IL33: variants seen among roughly 807,000 people sequenced by gnomAD.
The protein encoded by IL33 is interleukin-33.
A neutral mutation model predicts 27.3 loss-of-function variants in IL33; 37 were observed. The ratio of observed to expected loss-of-function variants is 1.36; its 90% CI spans 1.04 to 1.78. IL33 has a LOEUF of 1.78. Ranked by LOEUF, IL33 falls within the 40% of genes most tolerant of loss-of-function variation. IL33 has a pLI of 0.00. For synonymous variants in IL33, 132 were observed against 102.9 expected (o/e 1.28, Z -1.71); for missense variants, 406 against 311.4 (o/e 1.30, Z -2.29).
chr9:6,248,240 C>CTTTTTTTTTTTTTTTTTT (rs1179234471), intron 2 of IL33, among the ~76,000 whole-genome samples: 10 of 84,870 alleles, frequency 1.2e-4, no homozygotes, highest in Non-Finnish European at 1.8e-4. Context: ...CTTTTCTTTT[C>CTTTTTTTTTTTTTTTTTT]TTTTTTTTTT....
In IL33 at chr9:6,241,811, GT is replaced by G. The variant is rs1819545751; in HGVS notation, c.91+30del. ...GTAAGGACTTAAGTTATCTCTGAAT[GT>G]TTTACGCACTATTTTTATCTGTTAT... On this transcript the variant is annotated intron_variant, in intron 2 of 7. Transcript: ENST00000682010. 7 of 1,468,650 alleles carry G rather than the reference GT, an allele frequency of 4.8e-6. No individual in the cohort carries two copies. The South Asian group carries it at 7.1e-5, about 15-fold the overall frequency. 91.0% of individuals were successfully genotyped at this position (1,468,650 alleles called of 1,614,324 possible).
intron 5 of IL33, among the ~76,000 whole-genome samples, 170 bp from the exon 6 acceptor site, chr9:6,253,382 C>T (rs988612194): frequency 2.6e-5 from 4 of 152,268 alleles, no homozygotes; most frequent in African/African-American, 9.6e-5. Flanking sequence ...TTGGAGAATT[C>T]ATCAGAGCAT....
chr9:6,227,092 T>C (rs1040222459), intron 1 of IL33, among the ~76,000 whole-genome samples: 7 of 152,378 alleles, frequency 4.6e-5, no homozygotes, highest in Non-Finnish European at 5.9e-5. Context: ...CTTAGAGATA[T>C]GTGTTTCCTT....
At chr9:6,237,216 T>C (rs1330677057) in intron 1 of IL33, among the ~76,000 whole-genome samples, 2 of 152,204 alleles carry the variant, frequency 1.3e-5, no homozygotes, top group Admixed American at 1.3e-4. Context: ...GAACAAGTGA[T>C]GTTCCTATTG....
In IL33 at chr9:6,251,280, A is replaced by G; in HGVS notation, c.343+15A>G. Reference sequence around the variant, plus strand: ...AAGTATCACAGGTATGACTGGTTACAGGGGTGATGTGGGAGTGAGGAGGGA... The same window carrying G: ...AAGTATCACAGGTATGACTGGTTACGGGGGTGATGTGGGAGTGAGGAGGGA... On this transcript the variant is annotated intron_variant, in intron 4 of 7. Coordinates refer to ENST00000682010, the MANE Select transcript of IL33 (RefSeq NM_033439.4). 1 of 1,612,128 alleles carries G rather than the reference A, an allele frequency of 6.2e-7. No homozygotes were observed. The highest frequency in any genetic ancestry group is 1.1e-5 in the South Asian group (1 of 90,984).
chr9:6,230,262 G>A (rs1370694406), intron 1 of IL33, among the ~76,000 whole-genome samples: 1 of 152,092 alleles, frequency 6.6e-6, no homozygotes, highest in African/African-American at 2.4e-5. Context: ...TTCTCACGAG[G>A]GCTTTGGCTT....
At chr9:6,229,493 G>A (rs979072931) in intron 1 of IL33, among the ~76,000 whole-genome samples, 5 of 152,206 alleles carry the variant, frequency 3.3e-5, no homozygotes, top group Non-Finnish European at 7.3e-5. Flanking sequence ...ACAAGAAGAC[G>A]TGCGTTCTAT....
rs1220793802 is a variant in IL33, at chr9:6,254,553, G to C, written c.612G>C (p.Glu204Asp). Residue 204 changes from glutamate to aspartate, a missense_variant and splice_region_variant, in exon 7 of 8, where the codon GAG (glutamate) becomes GAC (aspartate). Glu to Asp is a conservative substitution (Grantham distance 45). Transcript: ENST00000682010. ...CCAACAACAAGGAACACTCTGTGGA[G>C]GTAAAAAAAAAAAATTTATCTATAT... ...LHANNKEHSV[E>D]LHKCEKPLPD... 2 of 1,542,028 alleles carry C rather than the reference G, an allele frequency of 1.3e-6. No individual in the cohort carries two copies. The highest frequency in any genetic ancestry group is 2.3e-5 in the East Asian group (1 of 43,816).
chr9:6,245,332 G>C (rs752199017), intron 2 of IL33, among the ~76,000 whole-genome samples: 10 of 152,122 alleles, frequency 6.6e-5, no homozygotes, highest in Non-Finnish European at 1.3e-4. Context: ...AGAAACACTG[G>C]GTCCATATCT....
chr9:6,233,866 T>G (rs1819048131), intron 1 of IL33, among the ~76,000 whole-genome samples: 1 of 152,206 alleles, frequency 6.6e-6, no homozygotes, highest in African/African-American at 2.4e-5. Flanking sequence ...ATTATACTTC[T>G]TGGAAATGTC....
intron 1 of IL33, among the ~76,000 whole-genome samples, chr9:6,235,367 G>GT (rs1255078945): frequency 1.2e-4 from 19 of 152,202 alleles, no homozygotes; most frequent in African/African-American, 4.3e-4. Context: ...TATACCAAAA[G>GT]TAACACTGAG....
At chr9:6,223,657 T>C (rs1818506810) in intron 1 of IL33, among the ~76,000 whole-genome samples, 1 of 152,204 alleles carries the variant, frequency 6.6e-6, no homozygotes, top group South Asian at 2.1e-4. Context: ...GTTTGCCATT[T>C]CTTTAAAGGA....
chr9:6,241,952 G>A (rs958868821), intron 2 of IL33, among the ~76,000 whole-genome samples, 167 bp downstream of exon 2: 1 of 152,134 alleles, frequency 6.6e-6, no homozygotes, highest in Non-Finnish European at 1.5e-5. Context: ...GACTGGTTTT[G>A]AACCAACCAT....
chr9:6,248,766 A>G (rs765623065), intron 2 of IL33, among the ~76,000 whole-genome samples: 24 of 151,416 alleles, frequency 1.6e-4, no homozygotes, highest in Non-Finnish European at 2.5e-4. Context: ...TTTTTTGTAG[A>G]GACGGTCTTA....
At chr9:6,232,667 C>T (rs1401068897) in intron 1 of IL33, among the ~76,000 whole-genome samples, 1 of 152,128 alleles carries the variant, frequency 6.6e-6, no homozygotes, top group Non-Finnish European at 1.5e-5. Flanking sequence ...CTTTCTAACC[C>T]CATCCCCAAC....
At position 6,256,123 on chromosome 9, in the gene IL33, G is replaced by C; in HGVS notation, c.768G>C (p.Glu256Asp). The C allele has an allele frequency of 6.2e-7, 1 of 1,613,450 alleles. No homozygotes were observed. Among genetic ancestry groups the C allele is most frequent in the South Asian group, 1.1e-5 (1 of 91,022 alleles). The change falls in exon 8 of 8, where the codon GAG (glutamate) becomes GAC (aspartate). Residue 256 changes from glutamate to aspartate, a missense_variant. By Grantham distance (45) the Glu-to-Asp change is conservative. Coordinates refer to ENST00000682010, the MANE Select transcript of IL33 (RefSeq NM_033439.4). Reference protein sequence around the residue: ...HLALIKVDSSENLCTENILFK... With the variant: ...HLALIKVDSSDNLCTENILFK... ...CTCTGATTAAAGTAGACTCTTCTGA[G>C]AATTTGTGTACTGAAAATATCTTGT...
intron 1 of IL33, among the ~76,000 whole-genome samples, chr9:6,227,382 T>C (rs1437221048): frequency 1.3e-5 from 2 of 152,230 alleles, no homozygotes; most frequent in Non-Finnish European, 2.9e-5. Context: ...CAATGTTGTT[T>C]GAAAAGATAT....
chr9:6,222,583 A>G (rs1015353212), intron 1 of IL33, among the ~76,000 whole-genome samples: 1 of 152,180 alleles, frequency 6.6e-6, no homozygotes, highest in Non-Finnish European at 1.5e-5. Context: ...CAAACATGAG[A>G]AAAAAAGCCT....
intron 1 of IL33, among the ~76,000 whole-genome samples, chr9:6,227,157 A>G (rs1023158340): frequency 2.0e-5 from 3 of 152,152 alleles, no homozygotes; most frequent in Non-Finnish European, 2.9e-5. Flanking sequence ...CCTTCTGCCG[A>G]GTTTATTTAT....
Sources: gnomAD v4.1 joint callset for allele counts (sites outside exome capture counted in the v4.1 genomes callset) on GRCh38, gnomAD v4.1.1 for gene constraint, MANE v1.5 for transcripts, NCBI Gene and HGNC (gene_info 2026-07-23, HGNC 2026-07-21) for gene names.